PKD1L1: variants seen among roughly 807,000 people sequenced by gnomAD.
The protein encoded by PKD1L1 is polycystin-1-like protein 1.
In PKD1L1, 236 loss-of-function variants were observed where a neutral mutation model predicts 323.4. The observed-to-expected ratio is 0.73, with a 90% CI of 0.66 to 0.81. The LOEUF (loss-of-function observed/expected upper bound fraction) is 0.81, where lower values mean the gene tolerates loss of function less well. PKD1L1 is among the 40% of genes least tolerant of loss of function. The pLI, the probability that PKD1L1 is intolerant of heterozygous loss-of-function variation, is 0.00. For missense variants in PKD1L1, 3,320 were observed against 3,508.0 expected, an observed-to-expected ratio of 0.95 and a Z score of 1.35; for synonymous variants, 1,344 against 1,335.0, an observed-to-expected ratio of 1.01 and a Z score of -0.15.
chr7:47,927,575 T>G (rs2128754844), intron 7 of PKD1L1, among the ~76,000 whole-genome samples: 1 of 152,326 alleles, frequency 6.6e-6, no homozygotes, highest in Middle Eastern at 3.4e-3. Flanking sequence ...ACAAATTTTC[T>G]TAATAACAAA....
intron 34 of PKD1L1, among the ~76,000 whole-genome samples, chr7:47,841,597 T>A (rs367863924): frequency 6.6e-6 from 1 of 152,252 alleles, no homozygotes; most frequent in Non-Finnish European, 1.5e-5. Flanking sequence ...GGTATATTAA[T>A]AGAATTTCAT....
At chr7:47,819,628 T>C (rs774155624) in intron 46 of PKD1L1, 5 of 1,287,182 alleles carry the variant, frequency 3.9e-6, no homozygotes, top group Non-Finnish European at 5.2e-6. Context: ...AATTTCACTA[T>C]TACAATGCTC....
At position 47,920,639 on chromosome 7, in the gene PKD1L1, C is replaced by A. The variant is rs947667995; in HGVS notation, c.1061-5040G>T. Among the ~76,000 whole-genome samples, 5 of 152,270 alleles carry A rather than the reference C, an allele frequency of 3.3e-5. No homozygotes were observed. In the South Asian group the frequency reaches 1.0e-3, roughly 32 times the overall value. On this transcript the variant is annotated intron_variant, in intron 7 of 56. Coordinates refer to ENST00000289672, the MANE Select transcript of PKD1L1 (RefSeq NM_138295.5). ...AGGCATCACATTACCTGACTTCAAA[C>A]TATATTATGAAGCCATAGTCACCAA...
intron 56 of PKD1L1, among the ~76,000 whole-genome samples, chr7:47,783,703 C>T (rs1369839179): frequency 6.6e-6 from 1 of 152,180 alleles, no homozygotes; most frequent in African/African-American, 2.4e-5. Context: ...GGAGAGATGC[C>T]TGGAACAGAT....
intron 5 of PKD1L1, 128 bp downstream of exon 5, chr7:47,931,808 A>C: frequency 1.6e-6 from 2 of 1,263,448 alleles, no homozygotes; most frequent in South Asian, 1.6e-5. Context: ...CAAATGACTT[A>C]GAAATGCAAA....
chr7:47,793,753 G>A (rs530608991), intron 55 of PKD1L1, among the ~76,000 whole-genome samples: 40 of 152,298 alleles, frequency 2.6e-4, no homozygotes, highest in Admixed American at 2.6e-3. Flanking sequence ...AAGAAGACAG[G>A]AAAATGTGGG....
At chr7:47,931,472 C>T (rs1033733038) in intron 5 of PKD1L1, 151 bp from the exon 6 acceptor site, 13 of 774,164 alleles carry the variant, frequency 1.7e-5, no homozygotes, top group East Asian at 2.7e-5. Context: ...AAATTGGCCC[C>T]GTGCATTGGC....
upstream of PKD1L1, among the ~76,000 whole-genome samples, chr7:47,949,362 C>G (rs1788167022): frequency 5.8e-5 from 1 of 17,200 alleles, no homozygotes; most frequent in African/African-American, 2.4e-4. Context: ...GAGCGAGGCT[C>G]TGTCTCAAAA....
rs1449539008 is a variant in PKD1L1 at position 47,855,602 on chromosome 7, C to T, written c.4591-337G>A. On this transcript the variant is annotated intron_variant, in intron 28 of 56. Coordinates refer to ENST00000289672, the MANE Select transcript of PKD1L1 (RefSeq NM_138295.5). ...AAGTATATGCAAGAGTGGGGCCGGG[C>T]GCGGTGGCTCACGCCTGTAATCCCA... is the stretch of plus-strand genomic sequence containing the variant. Among the ~76,000 whole-genome samples the T allele has an allele frequency of 7.0e-5, 10 of 142,386 alleles. 2 individuals are homozygous for T. The highest frequency in any genetic ancestry group is 1.1e-4 in the Non-Finnish European group (7 of 65,900). The allele number at this position is 142,386 out of a possible 152,430, so 93.4% of individuals were successfully genotyped here.
intron 55 of PKD1L1, 144 bp from the exon 56 acceptor site, chr7:47,792,941 A>G (rs1175744412): frequency 8.3e-6 from 6 of 725,894 alleles, no homozygotes; most frequent in Non-Finnish European, 1.3e-5. Flanking sequence ...TGCAGTTAGA[A>G]GACCTGGGTG....
intron 4 of PKD1L1, among the ~76,000 whole-genome samples, chr7:47,933,987 T>TAAG (rs1787820557): frequency 6.6e-6 from 1 of 152,244 alleles, no homozygotes; most frequent in South Asian, 2.1e-4. Flanking sequence ...GGACTCCTTT[T>TAAG]GTCTTCTTGG....
In PKD1L1 at chr7:47,867,632, A is replaced by C. The variant is rs115605915; in HGVS notation, c.3897-1018T>G. 4.2e-3 allele frequency among the ~76,000 whole-genome samples: 636 copies of C among 152,324 alleles called. 3 individuals carry two copies. Among genetic ancestry groups the C allele is most frequent in the African/African-American group, 0.013 (537 of 41,582 alleles). On this transcript the variant is annotated intron_variant, in intron 24 of 56. Coordinates refer to ENST00000289672, the MANE Select transcript of PKD1L1 (RefSeq NM_138295.5). Reference sequence around the variant, plus strand: ...GCCTATGAGGAGACTCAGATGTTGGAATTAGCAAGGACTTTGAAACAGCTA... The same window carrying C: ...GCCTATGAGGAGACTCAGATGTTGGCATTAGCAAGGACTTTGAAACAGCTA...
At chr7:47,800,154 C>G (rs1198129742) in intron 54 of PKD1L1, among the ~76,000 whole-genome samples, 1 of 152,126 alleles carries the variant, frequency 6.6e-6, no homozygotes, top group African/African-American at 2.4e-5. Flanking sequence ...GAGTTTAAGC[C>G]ATGTATGACA....
Position 47,833,364 on chromosome 7 carries a change from C to T in PKD1L1, c.6175-112G>A, listed in dbSNP as rs147099085. ...TCTCAGAGGACAGGCCTGGCATGGG[C>T]GGGGTGTGGTGCTGAGGCCTCTAAA... On this transcript the variant is annotated intron_variant, in intron 40 of 56. Transcript: ENST00000289672. 71 of 1,262,696 alleles carry T rather than the reference C, an allele frequency of 5.6e-5. No homozygotes were observed. In the African/African-American group the frequency reaches 7.1e-4, roughly 13 times the overall value. The allele number at this position is 1,262,696 out of a possible 1,614,324, so 78.2% of individuals were successfully genotyped here.
intron 47 of PKD1L1, 114 bp from the exon 48 acceptor site, chr7:47,814,128 G>A (rs1784965423): frequency 1.3e-6 from 1 of 743,856 alleles, no homozygotes. Context: ...TACCATAGAG[G>A]TCAGAGTTTT....
At chr7:47,908,304 C>T in intron 8 of PKD1L1, 54 bp from the exon 9 acceptor site, 1 of 1,519,986 alleles carries the variant, frequency 6.6e-7, no homozygotes, top group Admixed American at 1.7e-5. Flanking sequence ...ACAAGCATAA[C>T]AGTTAACATT....
chr7:47,822,611 A>AAC (rs1785165922), intron 45 of PKD1L1, among the ~76,000 whole-genome samples: 2 of 151,350 alleles, frequency 1.3e-5, no homozygotes, highest in African/African-American at 4.8e-5. Flanking sequence ...AAAAAAAAAA[A>AAC]AAAAAAAACA....
rs374724667 is a variant in PKD1L1, at chr7:47,802,559, C to T, written c.7962+651G>A. Among the ~76,000 whole-genome samples, 215 of 152,324 alleles carry T rather than the reference C, an allele frequency of 1.4e-3. 1 individual carries two copies. Among genetic ancestry groups the T allele is most frequent in the African/African-American group, 4.6e-3 (191 of 41,576 alleles). ...GTGGCTTGGATCCTGACAGCCAGAG[C>T]CTCCTAACTCAGGGCACTTGGCCTA... On this transcript the variant is annotated intron_variant, in intron 53 of 56. Coordinates refer to ENST00000289672, the MANE Select transcript of PKD1L1 (RefSeq NM_138295.5).
intron 10 of PKD1L1, 128 bp downstream of exon 10, chr7:47,905,715 G>T: frequency 2.3e-6 from 3 of 1,315,986 alleles, no homozygotes; most frequent in Admixed American, 2.5e-5. Flanking sequence ...CAAAGAACCT[G>T]TTCAATGACA....
Sources: gnomAD v4.1 joint callset for allele counts (sites outside exome capture counted in the v4.1 genomes callset) on GRCh38, gnomAD v4.1.1 for gene constraint, MANE v1.5 for transcripts, NCBI Gene and HGNC (gene_info 2026-07-23, HGNC 2026-07-21) for gene names.